Variants in NTM observed in about 807,000 individuals in gnomAD.
NTM encodes IgLON family member 2.
NTM carries 13 observed loss-of-function variants against 42.1 expected under a neutral mutation model. The observed-to-expected ratio is 0.31, with a 90% CI of 0.20 to 0.49. The LOEUF is 0.49. NTM is among the 20% of genes least tolerant of loss of function. The pLI, the probability that NTM is intolerant of heterozygous loss-of-function variation, is 0.99. For missense variants in NTM, 373 were observed against 452.8 expected (o/e 0.82, Z 1.60); for synonymous variants, 187 against 179.2 (o/e 1.04, Z -0.35).
chr11:131,847,180 T>C (rs1339217141), intron 1 of NTM, among the ~76,000 whole-genome samples: 1 of 152,150 alleles, frequency 6.6e-6, no homozygotes, highest in Non-Finnish European at 1.5e-5. Flanking sequence ...AGAAATTAAA[T>C]ATTGAGGATA....
At chr11:132,054,873 G>A (rs1196588171) in intron 2 of NTM, among the ~76,000 whole-genome samples, 1 of 152,148 alleles carries the variant, frequency 6.6e-6, no homozygotes, top group East Asian at 1.9e-4. Context: ...TTGAGATGGA[G>A]GACATGGAAA....
At chr11:131,444,417 T>A (rs1949880409) in intron 1 of NTM, among the ~76,000 whole-genome samples, 1 of 152,118 alleles carries the variant, frequency 6.6e-6, no homozygotes, top group African/African-American at 2.4e-5. Flanking sequence ...TGAAATGACC[T>A]ACAAATTTTG....
At chr11:131,535,330 ACAACT>A (rs1255632114) in intron 1 of NTM, 1 of 152,144 alleles carries the variant, frequency 6.6e-6, no homozygotes, top group East Asian at 1.9e-4. Flanking sequence ...GAAATAAATA[ACAACT>A]CAAATCAATA....
At chr11:132,141,179 T>G (rs2069040623) in intron 2 of NTM, 1 of 152,076 alleles carries the variant, frequency 6.6e-6, no homozygotes, top group Non-Finnish European at 1.5e-5. Context: ...AGCAGACACT[T>G]TTGCTTCTTT....
At chr11:131,774,655 T>G (rs1030955780) in intron 1 of NTM, among the ~76,000 whole-genome samples, 8 of 152,192 alleles carry the variant, frequency 5.3e-5, no homozygotes, top group Middle Eastern at 3.2e-3. Context: ...TAGAAAGAGT[T>G]TATTCTACAA....
intron 1 of NTM, among the ~76,000 whole-genome samples, chr11:131,818,666 G>A (rs887983304): frequency 6.6e-6 from 1 of 152,054 alleles, no homozygotes; most frequent in African/African-American, 2.4e-5. Context: ...TCATTCACAG[G>A]ATAGCTATTG....
rs573053504 is a variant in NTM, at chr11:132,058,834, G to A, written c.168-87448G>A. Among the ~76,000 whole-genome samples, 9 of 152,258 alleles carry A rather than the reference G, an allele frequency of 5.9e-5. No individual in the cohort carries two copies. In the South Asian group the frequency reaches 1.7e-3, roughly 28 times the overall value. Reference sequence around the variant, plus strand: ...GAACCTTGTTGTAGATGCACAACCTGTGCATTTCAAACGTAGGAAGCAGGG... The same window carrying A: ...GAACCTTGTTGTAGATGCACAACCTATGCATTTCAAACGTAGGAAGCAGGG... On this transcript the variant is annotated intron_variant, in intron 2 of 8. Coordinates refer to ENST00000683400, the MANE Select transcript of NTM (RefSeq NM_001352005.2).
chr11:131,890,610 A>T, intron 1 of NTM, among the ~76,000 whole-genome samples: 1 of 152,162 alleles, frequency 6.6e-6, no homozygotes, highest in East Asian at 1.9e-4. Flanking sequence ...TTTTTTTCTA[A>T]TGTATGAAAG....
chr11:132,325,591 T>G (rs1485308282), intron 7 of NTM, among the ~76,000 whole-genome samples: 1 of 151,960 alleles, frequency 6.6e-6, no homozygotes, highest in Non-Finnish European at 1.5e-5. Context: ...AGTTCAACCA[T>G]TGTGGAAGTC....
At chr11:131,859,148 G>C (rs2046377855) in intron 1 of NTM, among the ~76,000 whole-genome samples, 1 of 152,154 alleles carries the variant, frequency 6.6e-6, no homozygotes, top group Admixed American at 6.5e-5. Flanking sequence ...TCATCCGAGA[G>C]ACACATCGGG....
chr11:131,475,203 C>A (rs1047998979), intron 1 of NTM, among the ~76,000 whole-genome samples: 3 of 152,132 alleles, frequency 2.0e-5, no homozygotes, highest in African/African-American at 7.2e-5. Context: ...CCAAGCCCAA[C>A]CTTTTAAGCA....
chr11:131,720,080 G>A (rs1289704133), intron 1 of NTM, among the ~76,000 whole-genome samples: 2 of 152,160 alleles, frequency 1.3e-5, no homozygotes, highest in East Asian at 3.9e-4. Context: ...TCCAAAAAAG[G>A]AGATGGTCAA....
At chr11:131,903,934 A>C (rs2053511627) in intron 1 of NTM, among the ~76,000 whole-genome samples, 1 of 146,198 alleles carries the variant, frequency 6.8e-6, no homozygotes, top group South Asian at 2.1e-4. Context: ...CACACAGATC[A>C]TGAAGATTTT....
chr11:131,970,020 T>C (rs1156294077), intron 2 of NTM, among the ~76,000 whole-genome samples: 3 of 152,258 alleles, frequency 2.0e-5, no homozygotes, highest in African/African-American at 7.2e-5. Context: ...TGTGTTGCCA[T>C]GCTGGTCTCG....
At chr11:132,299,375 G>A (rs373188802) in intron 4 of NTM, among the ~76,000 whole-genome samples, 2 of 152,016 alleles carry the variant, frequency 1.3e-5, no homozygotes, top group African/African-American at 4.8e-5. Flanking sequence ...GAACATGGAA[G>A]TTGTTTGAGG....
At chr11:132,029,062 GTTTT>G (rs56085410) in intron 2 of NTM, among the ~76,000 whole-genome samples, 1 of 151,184 alleles carries the variant, frequency 6.6e-6, no homozygotes, top group Non-Finnish European at 1.5e-5. Context: ...GTTGGTGTGG[GTTTT>G]TTTTTTTGTT....
chr11:131,558,969 TTAA>T lies in NTM; in HGVS notation c.82+188086_82+188088del, dbSNP rs149609010. Reference sequence around the variant, plus strand: ...CAAAGCTAAGCAAATTCAGCAAAACTTAATAATTAGTGAATTTCAATAATAGAC... The same window carrying T: ...CAAAGCTAAGCAAATTCAGCAAAACTTAATTAGTGAATTTCAATAATAGAC... On this transcript the variant is annotated intron_variant, in intron 1 of 8. Transcript: ENST00000683400. Among the ~76,000 whole-genome samples, 617 of 152,270 alleles carry T rather than the reference TTAA, an allele frequency of 4.1e-3. 6 individuals carry two copies. Among genetic ancestry groups the T allele is most frequent in the African/African-American group, 0.014 (598 of 41,554 alleles).
chr11:131,827,764 A>T (rs1200415063), intron 1 of NTM, among the ~76,000 whole-genome samples: 1 of 152,186 alleles, frequency 6.6e-6, no homozygotes, highest in Non-Finnish European at 1.5e-5. Context: ...AATTACAGAT[A>T]TCTGGTGTCC....
At chr11:131,477,723 T>TCAAAA (rs1354494151) in intron 1 of NTM, among the ~76,000 whole-genome samples, 5 of 151,930 alleles carry the variant, frequency 3.3e-5, no homozygotes, top group African/African-American at 9.7e-5. Flanking sequence ...TTTCTAGATA[T>TCAAAA]CTATTCCCAG....
Sources: gnomAD v4.1 joint callset for allele counts (sites outside exome capture counted in the v4.1 genomes callset) on GRCh38, gnomAD v4.1.1 for gene constraint, MANE v1.5 for transcripts, NCBI Gene and HGNC (gene_info 2026-07-23, HGNC 2026-07-21) for gene names.